Variants in HTR1F observed in about 807,000 individuals in gnomAD.
The protein encoded by HTR1F is 5-hydroxytryptamine receptor 1F.
In HTR1F, 17 loss-of-function variants were observed where a neutral mutation model predicts 24.0. That is an observed-to-expected ratio of 0.71 (90% confidence interval 0.48 to 1.06). HTR1F has a LOEUF of 1.06. Ranked by LOEUF, HTR1F falls within the 50% of genes least tolerant of loss-of-function variation. The probability of loss-of-function intolerance (pLI) is 0.00; values close to 1 mark genes in which losing one functional copy is unlikely to be tolerated. For synonymous variants in HTR1F, 186 were observed against 156.8 expected (o/e 1.19, Z -1.39); for missense variants, 391 against 427.8 (o/e 0.91, Z 0.76).
chr3:87,793,992 G>A (rs1315905042), intron 1 of HTR1F, among the ~76,000 whole-genome samples: 1 of 150,122 alleles, frequency 6.7e-6, no homozygotes, highest in Non-Finnish European at 1.5e-5. Context: ...AAGAGAGAGA[G>A]AAAACAGGAA....
chr3:87,942,042 C>A (rs1268495381), intron 2 of HTR1F, among the ~76,000 whole-genome samples: 5 of 152,014 alleles, frequency 3.3e-5, no homozygotes, highest in South Asian at 4.1e-4. Flanking sequence ...TCAACTTGAA[C>A]AAGATGGGCA....
intron 2 of HTR1F, among the ~76,000 whole-genome samples, chr3:87,858,762 G>T (rs1406425684): frequency 6.6e-6 from 1 of 151,976 alleles, no homozygotes; most frequent in Non-Finnish European, 1.5e-5. Context: ...GAATGATAAA[G>T]AAATGCTTTA....
At chr3:87,938,964 A>G (rs1315079859) in intron 2 of HTR1F, among the ~76,000 whole-genome samples, 4 of 152,240 alleles carry the variant, frequency 2.6e-5, no homozygotes, top group African/African-American at 4.8e-5. Context: ...GCTTCTGCAC[A>G]GCAAAATAAA....
intron 2 of HTR1F, among the ~76,000 whole-genome samples, chr3:87,836,625 A>G (rs1198753767): frequency 6.6e-6 from 1 of 152,122 alleles, no homozygotes; most frequent in Non-Finnish European, 1.5e-5. Context: ...CTCCCATCAG[A>G]TTATATTATA....
intron 2 of HTR1F, among the ~76,000 whole-genome samples, chr3:87,832,339 T>C (rs921987485): frequency 4.7e-5 from 7 of 149,446 alleles, no homozygotes; most frequent in African/African-American, 1.5e-4. Context: ...TTTTTTTCTT[T>C]TTTTTTGAGA....
chr3:87,855,275 C>T (rs1307509267), intron 2 of HTR1F, among the ~76,000 whole-genome samples: 1 of 152,004 alleles, frequency 6.6e-6, no homozygotes, highest in Non-Finnish European at 1.5e-5. Flanking sequence ...TACTCTTTGG[C>T]CTGCTAAAGA....
intron 1 of HTR1F, among the ~76,000 whole-genome samples, chr3:87,821,517 C>T (rs1244899145): frequency 6.6e-6 from 1 of 152,072 alleles, no homozygotes; most frequent in Non-Finnish European, 1.5e-5. Flanking sequence ...ATTGTGATGT[C>T]CCTTACTTTC....
intron 2 of HTR1F, among the ~76,000 whole-genome samples, chr3:87,836,403 T>C (rs927065564): frequency 5.9e-5 from 9 of 152,190 alleles, no homozygotes; most frequent in Non-Finnish European, 1.0e-4. Context: ...TAAACAATAA[T>C]ATCTCAGAAG....
At chr3:87,845,611 A>C (rs1384449245) in intron 2 of HTR1F, among the ~76,000 whole-genome samples, 1 of 151,370 alleles carries the variant, frequency 6.6e-6, no homozygotes, top group African/African-American at 2.4e-5. Context: ...AGAACATTCC[A>C]TGCTCATGGG....
At chr3:87,850,748 G>A (rs1211557058) in intron 2 of HTR1F, among the ~76,000 whole-genome samples, 1 of 150,796 alleles carries the variant, frequency 6.6e-6, no homozygotes, top group Non-Finnish European at 1.5e-5. Flanking sequence ...AAAAACATAT[G>A]AACTCTGATC....
At chr3:87,803,101 T>G (rs764517818) in intron 1 of HTR1F, among the ~76,000 whole-genome samples, 1 of 152,194 alleles carries the variant, frequency 6.6e-6, no homozygotes, top group Non-Finnish European at 1.5e-5. Flanking sequence ...AAAAGGAACC[T>G]GGATTTCAAA....
chr3:87,863,303 C>T (rs570001448), intron 2 of HTR1F, among the ~76,000 whole-genome samples: 1 of 152,246 alleles, frequency 6.6e-6, no homozygotes, highest in East Asian at 1.9e-4. Flanking sequence ...GTCTTGCAAT[C>T]TGGATAGGCT....
At chr3:87,926,789 T>C (rs1269526751) in intron 2 of HTR1F, among the ~76,000 whole-genome samples, 1 of 152,130 alleles carries the variant, frequency 6.6e-6, no homozygotes, top group African/African-American at 2.4e-5. Flanking sequence ...AAAAATTGTT[T>C]CACTTAGGAA....
chr3:87,928,441 G>A (rs1319973762), intron 2 of HTR1F, among the ~76,000 whole-genome samples: 1 of 152,040 alleles, frequency 6.6e-6, no homozygotes, highest in African/African-American at 2.4e-5. Flanking sequence ...AATAGTATAG[G>A]TGATTTTGTA....
At chr3:87,832,345 T>C (rs932014107) in intron 2 of HTR1F, among the ~76,000 whole-genome samples, 2 of 149,428 alleles carry the variant, frequency 1.3e-5, no homozygotes, top group Non-Finnish European at 3.0e-5. Context: ...TCTTTTTTTT[T>C]GAGATGGAGT....
intron 2 of HTR1F, among the ~76,000 whole-genome samples, chr3:87,922,343 A>G (rs1353109372): frequency 6.6e-6 from 1 of 151,608 alleles, no homozygotes; most frequent in East Asian, 1.9e-4. Context: ...TTTTATTTAT[A>G]TCAGTGCCCA....
At chr3:87,867,086 C>T (rs74932860) in intron 2 of HTR1F, among the ~76,000 whole-genome samples, 1,878 of 151,878 alleles carry the variant, frequency 0.012, 36 homozygotes, top group African/African-American at 0.042. Flanking sequence ...TTAATACTAG[C>T]TTGTAATGTG....
chr3:87,865,346 G>C (rs1418660538), intron 2 of HTR1F, among the ~76,000 whole-genome samples: 1 of 151,852 alleles, frequency 6.6e-6, no homozygotes, highest in Admixed American at 6.6e-5. Context: ...AAAATGCACA[G>C]ATAACAAGTG....
chr3:87,924,954 G>A (rs1023826942), intron 2 of HTR1F, among the ~76,000 whole-genome samples: 3 of 151,910 alleles, frequency 2.0e-5, no homozygotes, highest in Non-Finnish European at 2.9e-5. Context: ...TTATTAAATA[G>A]GTTTACTATA....
Sources: gnomAD v4.1 joint callset for allele counts (sites outside exome capture counted in the v4.1 genomes callset) on GRCh38, gnomAD v4.1.1 for gene constraint, MANE v1.5 for transcripts, NCBI Gene and HGNC (gene_info 2026-07-23, HGNC 2026-07-21) for gene names.